The following SLC4A8 variants were observed in gnomAD, a reference collection of about 807,000 sequenced individuals.
SLC4A8 encodes the protein solute carrier family 4 member 8, also known as electroneutral sodium bicarbonate exchanger 1.
Under a neutral mutation model 125.0 loss-of-function variants are expected in SLC4A8, and 40 were observed. That is an observed-to-expected ratio of 0.32 (90% CI 0.25 to 0.42). The LOEUF (loss-of-function observed/expected upper bound fraction) is 0.42, where lower values mean the gene tolerates loss of function less well. SLC4A8 is among the 10% of genes least tolerant of loss of function. The probability of loss-of-function intolerance (pLI) is 1.00; values close to 1 mark genes in which losing one functional copy is unlikely to be tolerated. For missense variants in SLC4A8, 863 were observed against 1,355.1 expected (o/e 0.64, Z 5.70); for synonymous variants, 456 against 476.0 (o/e 0.96, Z 0.55).
At chr12:51,450,768 G>C in intron 2 of SLC4A8, 108 bp from the exon 3 acceptor site, 2 of 1,231,324 alleles carry the variant, frequency 1.6e-6, no homozygotes, top group South Asian at 1.3e-5. Flanking sequence ...GCTGTGACCA[G>C]ACCAAAGAAC....
At chr12:51,482,264 C>T (rs1951050335) in intron 16 of SLC4A8, among the ~76,000 whole-genome samples, 1 of 151,860 alleles carries the variant, frequency 6.6e-6, no homozygotes, top group South Asian at 2.1e-4. Flanking sequence ...ACTGAAATGA[C>T]AATATTTTAG....
chr12:51,440,465 A>G (rs1431519922), intron 1 of SLC4A8, among the ~76,000 whole-genome samples: 1 of 149,978 alleles, frequency 6.7e-6, no homozygotes, highest in African/African-American at 2.5e-5. Context: ...CTTTTATGAC[A>G]TTTGTGACCC....
rs75392802 is a variant in SLC4A8 at position 51,434,516 on chromosome 12, G to A, written c.49-6192G>A. Among the ~76,000 whole-genome samples, 513 of 152,268 alleles carry A rather than the reference G, an allele frequency of 3.4e-3. 2 individuals carry two copies. Among genetic ancestry groups the A allele is most frequent in the African/African-American group, 0.011 (473 of 41,546 alleles). On this transcript the variant is annotated intron_variant, in intron 1 of 24. Coordinates refer to ENST00000453097, the MANE Select transcript of SLC4A8 (RefSeq NM_001039960.3). Reference sequence around the variant, plus strand: ...ACAGTGGCTCTGTTTTCTTTGGCAAGACAAAGAAAATGGATGAACAATTAT... The same window carrying A: ...ACAGTGGCTCTGTTTTCTTTGGCAAAACAAAGAAAATGGATGAACAATTAT...
chr12:51,475,965 A>G (rs1048300738), intron 16 of SLC4A8, among the ~76,000 whole-genome samples: 1 of 152,234 alleles, frequency 6.6e-6, no homozygotes, highest in Non-Finnish European at 1.5e-5. Context: ...CATTTGCCAT[A>G]TCAAAAATAT....
chr12:51,430,542 C>T (rs1359208538), intron 1 of SLC4A8, among the ~76,000 whole-genome samples: 1 of 152,048 alleles, frequency 6.6e-6, no homozygotes, highest in Non-Finnish European at 1.5e-5. Flanking sequence ...ATTGGGGAAC[C>T]TGTGGGCATT....
chr12:51,451,875 ATCTTT>A, intron 3 of SLC4A8, among the ~76,000 whole-genome samples: 1 of 152,140 alleles, frequency 6.6e-6, no homozygotes. Context: ...GAATTAGCCA[ATCTTT>A]TTGATCAAAT....
chr12:51,438,697 A>G (rs1205845485), intron 1 of SLC4A8, among the ~76,000 whole-genome samples: 2 of 151,662 alleles, frequency 1.3e-5, no homozygotes, highest in East Asian at 1.9e-4. Flanking sequence ...TTTTTGAGGA[A>G]CCTCCACTGT....
intron 1 of SLC4A8, among the ~76,000 whole-genome samples, chr12:51,396,432 A>G (rs1310982042): frequency 6.6e-6 from 1 of 152,202 alleles, no homozygotes; most frequent in Non-Finnish European, 1.5e-5. Context: ...TTGAGTGCAA[A>G]ATTTATGGGG....
chr12:51,451,607 A>G (rs987797459), intron 3 of SLC4A8, among the ~76,000 whole-genome samples: 1 of 152,112 alleles, frequency 6.6e-6, no homozygotes, highest in African/African-American at 2.4e-5. Flanking sequence ...ATTCACATAG[A>G]GTTAAATATA....
chr12:51,450,631 A>C (rs1268210119), intron 2 of SLC4A8: 1 of 476,556 alleles, frequency 2.1e-6, no homozygotes, highest in African/African-American at 2.0e-5. Flanking sequence ...AAATCACATT[A>C]TTTCTTTCAG....
At chr12:51,490,803 G>C (rs1355339676) in intron 19 of SLC4A8, among the ~76,000 whole-genome samples, 1 of 152,124 alleles carries the variant, frequency 6.6e-6, no homozygotes, top group Non-Finnish European at 1.5e-5. Context: ...AGTGGGCAAG[G>C]TAACCTTTGA....
At chr12:51,446,739 T>A (rs1007246337) in intron 2 of SLC4A8, among the ~76,000 whole-genome samples, 1 of 152,136 alleles carries the variant, frequency 6.6e-6, no homozygotes. Context: ...CAGGTCAGAG[T>A]CAGAGGCCCT....
Position 51,493,696 on chromosome 12 carries a change from G to T in SLC4A8, c.2701-8G>T, listed in dbSNP as rs1228573270. On this transcript the variant is annotated splice_polypyrimidine_tract_variant and splice_region_variant and intron_variant, in intron 19 of 24. Coordinates refer to ENST00000453097, the MANE Select transcript of SLC4A8 (RefSeq NM_001039960.3). ...AATTTCTGGCCTTTCTTGTCCTTTT[G>T]TCTTCAGTTTATTCCAATGCCAGTA... 1 of 1,593,622 alleles carries T rather than the reference G, an allele frequency of 6.3e-7. No homozygotes were observed. The highest frequency in any genetic ancestry group is 2.2e-5 in the East Asian group (1 of 44,756).
chr12:51,480,346 C>T (rs1399056929), intron 16 of SLC4A8: 2 of 1,174,716 alleles, frequency 1.7e-6, no homozygotes, highest in Non-Finnish European at 2.1e-6. Flanking sequence ...GGCAGATTTC[C>T]CTGGAATAAA....
intron 19 of SLC4A8, among the ~76,000 whole-genome samples, chr12:51,492,463 T>C (rs1032200865): frequency 4.6e-5 from 7 of 152,154 alleles, no homozygotes; most frequent in Admixed American, 1.3e-4. Flanking sequence ...TCCCACCTGG[T>C]TGAGGCACCA....
In SLC4A8 at chr12:51,396,845, A is replaced by G. The variant is rs557838762; in HGVS notation, c.-112+5357A>G. On this transcript the variant is annotated intron_variant, in intron 1 of 24. Transcript: ENST00000358657. Reference sequence around the variant, plus strand: ...CATTTAAAACTTGAAACATAGGTGTATTAAAACTCACAGCATTACTTTAAA... The same window carrying G: ...CATTTAAAACTTGAAACATAGGTGTGTTAAAACTCACAGCATTACTTTAAA... Among the ~76,000 whole-genome samples the G allele has an allele frequency of 1.6e-4, 24 of 152,146 alleles. No individual in the cohort carries two copies. In the South Asian group the frequency reaches 2.3e-3, roughly 14 times the overall value.
chr12:51,487,961 T>C (rs191894140), intron 17 of SLC4A8, among the ~76,000 whole-genome samples: 108 of 152,356 alleles, frequency 7.1e-4, no homozygotes, highest in Non-Finnish European at 1.2e-3. Context: ...TCTTTAGAAG[T>C]CATTAAATTT....
intron 16 of SLC4A8, among the ~76,000 whole-genome samples, chr12:51,478,330 T>C (rs916717077): frequency 3.3e-5 from 5 of 151,372 alleles, no homozygotes; most frequent in Non-Finnish European, 7.4e-5. Context: ...TCCCATCTAC[T>C]TTGGAGGCTG....
intron 22 of SLC4A8, 194 bp downstream of exon 22, chr12:51,497,318 A>T: frequency 1.7e-6 from 1 of 582,424 alleles, no homozygotes; most frequent in East Asian, 3.2e-5. Flanking sequence ...TTTGGGTTTG[A>T]CAACCACTTA....
Sources: allele counts gnomAD v4.1 joint callset (sites outside exome capture counted in the v4.1 genomes callset), GRCh38; gene constraint gnomAD v4.1.1; transcripts MANE v1.5; gene names NCBI Gene and HGNC (gene_info 2026-07-23, HGNC 2026-07-21).